The following CLVS1 variants were observed in gnomAD, a reference collection of about 807,000 sequenced individuals.
CLVS1 encodes clavesin-1.
Under a neutral mutation model 33.1 loss-of-function variants are expected in CLVS1, and 10 were observed. The ratio of observed to expected loss-of-function variants is 0.30; its 90% confidence interval spans 0.19 to 0.51. The LOEUF (loss-of-function observed/expected upper bound fraction) is 0.51, where lower values mean the gene tolerates loss of function less well. CLVS1 is among the 20% of genes least tolerant of loss of function. The pLI, the probability that CLVS1 is intolerant of heterozygous loss-of-function variation, is 0.97. For synonymous variants in CLVS1, 163 were observed against 166.1 expected (o/e 0.98, Z 0.14); for missense variants, 343 against 433.4 (o/e 0.79, Z 1.85).
chr8:61,324,795 C>T (rs1811318770), intron 2 of CLVS1, among the ~76,000 whole-genome samples: 2 of 152,044 alleles, frequency 1.3e-5, no homozygotes, highest in South Asian at 4.1e-4. Flanking sequence ...TGAGAAATTG[C>T]CACACTGTCT....
intron 2 of CLVS1, among the ~76,000 whole-genome samples, chr8:61,302,843 G>T (rs951739235): frequency 6.6e-6 from 1 of 152,196 alleles, no homozygotes; most frequent in African/African-American, 2.4e-5. Context: ...ATGGCAGAAG[G>T]TGAAGGGGAG....
At chr8:61,464,041 ACTGC>A (rs34697539) in intron 5 of CLVS1, among the ~76,000 whole-genome samples, 20,035 of 150,610 alleles carry the variant, frequency 0.13, 4,104 homozygotes, top group African/African-American at 0.44. Flanking sequence ...CACGCCACTG[ACTGC>A]ACTACTGCAC....
At chr8:61,085,904 C>T (rs1385927261) in intron 1 of CLVS1, among the ~76,000 whole-genome samples, 2 of 151,414 alleles carry the variant, frequency 1.3e-5, no homozygotes, top group African/African-American at 2.4e-5. Flanking sequence ...GGCGCGTTGG[C>T]GGGCGCCTGT....
At chr8:61,003,211 T>C in the CLVS1 span, among the ~76,000 whole-genome samples, 79,590 of 151,982 alleles carry the variant, frequency 0.52, 21,206 homozygotes, top group South Asian at 0.71. Context: ...TCACTGCATG[T>C]CCCCCAACAC....
chr8:61,007,232 G>A, the CLVS1 span, among the ~76,000 whole-genome samples: 2 of 152,148 alleles, frequency 1.3e-5, no homozygotes, highest in East Asian at 1.9e-4. Flanking sequence ...ATATGAGATC[G>A]GACAAAGGAT....
At chr8:61,207,887 G>A (rs181548979) in intron 2 of CLVS1, among the ~76,000 whole-genome samples, 1 of 152,206 alleles carries the variant, frequency 6.6e-6, no homozygotes, top group Non-Finnish European at 1.5e-5. Context: ...AGGCAGCCCA[G>A]TTTACCTGGC....
At chr8:60,979,957 A>G in the CLVS1 span, among the ~76,000 whole-genome samples, 3 of 152,192 alleles carry the variant, frequency 2.0e-5, no homozygotes, top group East Asian at 1.9e-4. Context: ...CTCTTGTTCT[A>G]TTTAATTGAA....
intron 1 of CLVS1, among the ~76,000 whole-genome samples, chr8:61,077,668 G>A (rs753882841): frequency 6.6e-6 from 1 of 152,124 alleles, no homozygotes; most frequent in Non-Finnish European, 1.5e-5. Context: ...TAGAGACGAG[G>A]TTTCACTGTG....
intron 5 of CLVS1, among the ~76,000 whole-genome samples, chr8:61,475,586 A>G (rs1817894618): frequency 6.6e-6 from 1 of 152,166 alleles, no homozygotes; most frequent in Admixed American, 6.5e-5. Context: ...TGGCTGCATA[A>G]ATGTCTTCTT....
In CLVS1 at chr8:61,402,546, G is replaced by A. The variant is rs140212657; in HGVS notation, c.630+25767G>A. Among the ~76,000 whole-genome samples the A allele has an allele frequency of 1.7e-3, 252 of 152,180 alleles. 1 individual carries two copies. The highest frequency in any genetic ancestry group is 5.6e-3 in the African/African-American group (232 of 41,520). On this transcript the variant is annotated intron_variant, in intron 3 of 5. Transcript: ENST00000325897. ...CACCAACCGGTTAACGTACACACACGATTCAATGAGATATTAAAAACAGAT... is the reference window on the plus strand; with the variant it reads ...CACCAACCGGTTAACGTACACACACAATTCAATGAGATATTAAAAACAGAT...
intron 2 of CLVS1, among the ~76,000 whole-genome samples, chr8:61,228,396 A>G (rs1808372453): frequency 6.6e-6 from 1 of 152,180 alleles, no homozygotes; most frequent in African/African-American, 2.4e-5. Flanking sequence ...TGATGGGGTT[A>G]GATTCAGATA....
intron 5 of CLVS1, among the ~76,000 whole-genome samples, chr8:61,480,876 T>C (rs948328352): frequency 5.3e-5 from 8 of 152,120 alleles, no homozygotes; most frequent in African/African-American, 1.9e-4. Context: ...GGGGTAATAA[T>C]GAGTTTACAG....
chr8:61,168,041 C>T lies in CLVS1; in HGVS notation c.-152+36181C>T, dbSNP rs1252600557. 2.6e-5 allele frequency among the ~76,000 whole-genome samples: 4 copies of T among 152,334 alleles called. No individual in the cohort carries two copies. The East Asian group carries it at 5.8e-4, about 22-fold the overall frequency. ...TACTTTCCTGGAAAACTTGCTTTCACCTTACTCTATGGACTCACCCTGAAT... is the reference window on the plus strand; with the variant it reads ...TACTTTCCTGGAAAACTTGCTTTCATCTTACTCTATGGACTCACCCTGAAT... On this transcript the variant is annotated intron_variant, in intron 2 of 2. Transcript: ENST00000522621.
chr8:61,452,570 T>A (rs542638519), intron 3 of CLVS1, among the ~76,000 whole-genome samples: 7 of 152,196 alleles, frequency 4.6e-5, no homozygotes, highest in Non-Finnish European at 8.8e-5. Flanking sequence ...AAAAAACTTT[T>A]AGATCCTAAA....
the CLVS1 span, among the ~76,000 whole-genome samples, chr8:61,005,124 TG>T: frequency 1.3e-5 from 2 of 152,334 alleles, no homozygotes; most frequent in South Asian, 4.1e-4. Context: ...ATCTTGCAGA[TG>T]ACTGACTCCC....
chr8:61,233,131 A>G (rs760846528), intron 2 of CLVS1, among the ~76,000 whole-genome samples: 2 of 152,262 alleles, frequency 1.3e-5, no homozygotes, highest in African/African-American at 2.4e-5. Context: ...CTTCAAAAGG[A>G]CATCACTTAA....
At chr8:61,232,023 G>GTTTGTTT in intron 2 of CLVS1, among the ~76,000 whole-genome samples, 5 of 62,658 alleles carry the variant, frequency 8.0e-5, no homozygotes, top group African/African-American at 2.4e-4. Context: ...GAAAGTTGTG[G>GTTTGTTT]TTTTTTTTTT....
At chr8:60,991,546 T>C in the CLVS1 span, among the ~76,000 whole-genome samples, 1 of 152,208 alleles carries the variant, frequency 6.6e-6, no homozygotes, top group South Asian at 2.1e-4. Context: ...AGAAGTCCTT[T>C]TCCTGGCTTT....
chr8:61,454,194 C>T lies in CLVS1; in HGVS notation c.684C>T (p.Tyr228=). Residue 228 remains tyrosine (Y), a synonymous_variant, in exon 4 of 6, where the codon TAC becomes TAT. Coordinates refer to ENST00000325897, the MANE Select transcript of CLVS1 (RefSeq NM_173519.3). The stretch of plus-strand genomic sequence containing the variant: ...TCCACTTTGTCAACCAGCCCTGGTA[C>T]ATTCATGCCCTCTACACACTCATCA... ...GGVHFVNQPW[Y]IHALYTLIKP... 6.2e-7 allele frequency: 1 copy of T among 1,614,144 alleles called. No individual in the cohort carries two copies. The highest frequency in any genetic ancestry group is 8.5e-7 in the Non-Finnish European group (1 of 1,179,990).
Sources: allele counts gnomAD v4.1 joint callset (sites outside exome capture counted in the v4.1 genomes callset), GRCh38; gene constraint gnomAD v4.1.1; transcripts MANE v1.5; gene names NCBI Gene and HGNC (gene_info 2026-07-23, HGNC 2026-07-21).